Variants in CACNA2D3 observed in about 807,000 individuals in gnomAD.
CACNA2D3 encodes the protein voltage-dependent calcium channel subunit alpha-2/delta-3.
CACNA2D3 carries 60 observed loss-of-function variants against 160.6 expected under a neutral mutation model. The observed-to-expected ratio is 0.37, with a 90% confidence interval of 0.30 to 0.46. CACNA2D3 has a LOEUF of 0.46. CACNA2D3 is among the 20% of genes least tolerant of loss of function. The probability of loss-of-function intolerance (pLI) is 1.00; values close to 1 mark genes in which losing one functional copy is unlikely to be tolerated. For missense variants in CACNA2D3, 1,205 were observed against 1,365.0 expected, an observed-to-expected ratio of 0.88 and a Z score of 1.85; for synonymous variants, 558 against 492.9, an observed-to-expected ratio of 1.13 and a Z score of -1.75.
chr3:54,677,759 C>T (rs1166456063), intron 11 of CACNA2D3, among the ~76,000 whole-genome samples: 1 of 151,756 alleles, frequency 6.6e-6, no homozygotes, highest in Non-Finnish European at 1.5e-5. Context: ...AGTCTCTGAA[C>T]CAAAGAGGAT....
chr3:54,722,718 C>T (rs1256829297), intron 11 of CACNA2D3, among the ~76,000 whole-genome samples: 1 of 152,196 alleles, frequency 6.6e-6, no homozygotes, highest in Non-Finnish European at 1.5e-5. Flanking sequence ...GTATCACTAG[C>T]AGAGGCTGCA....
At chr3:54,287,698 T>C (rs1388628252) in intron 2 of CACNA2D3, among the ~76,000 whole-genome samples, 1 of 145,068 alleles carries the variant, frequency 6.9e-6, no homozygotes, top group Admixed American at 6.9e-5. Context: ...TCAGCAAATG[T>C]AAAAGAACAG....
At chr3:55,059,345 T>A (rs1337657729) in intron 35 of CACNA2D3, among the ~76,000 whole-genome samples, 3 of 152,256 alleles carry the variant, frequency 2.0e-5, no homozygotes, top group Admixed American at 6.5e-5. Flanking sequence ...TACCAGAGAA[T>A]CATTACATTA....
At chr3:54,397,438 T>C (rs1699376575) in intron 4 of CACNA2D3, among the ~76,000 whole-genome samples, 1 of 78,516 alleles carries the variant, frequency 1.3e-5, no homozygotes, top group Non-Finnish European at 2.4e-5. Flanking sequence ...TTTCCTGCTT[T>C]CTCTTGTAGG....
At chr3:54,732,116 C>T (rs193070613) in intron 11 of CACNA2D3, among the ~76,000 whole-genome samples, 279 of 152,244 alleles carry the variant, frequency 1.8e-3, no homozygotes, top group Middle Eastern at 0.01. Flanking sequence ...GTTTAGGCTA[C>T]GTGTTTAAGG....
At chr3:54,283,983 A>G (rs1318007332) in intron 2 of CACNA2D3, among the ~76,000 whole-genome samples, 1 of 152,154 alleles carries the variant, frequency 6.6e-6, no homozygotes, top group African/African-American at 2.4e-5. Flanking sequence ...AATTGCTTGA[A>G]CACAGGAGAA....
intron 4 of CACNA2D3, among the ~76,000 whole-genome samples, chr3:54,425,929 C>G (rs1188844620): frequency 6.6e-6 from 1 of 152,216 alleles, no homozygotes; most frequent in African/African-American, 2.4e-5. Flanking sequence ...TTTGGTAGCC[C>G]AGATTTCATC....
At chr3:54,467,915 A>G (rs1700657949) in intron 4 of CACNA2D3, among the ~76,000 whole-genome samples, 2 of 152,210 alleles carry the variant, frequency 1.3e-5, no homozygotes, top group African/African-American at 4.8e-5. Flanking sequence ...GTTTGAGGTG[A>G]TGGATATGGT....
chr3:54,832,266 G>A (rs749278539), intron 14 of CACNA2D3, among the ~76,000 whole-genome samples: 53 of 152,134 alleles, frequency 3.5e-4, no homozygotes, highest in Middle Eastern at 3.2e-3. Flanking sequence ...AGTGCAGCTC[G>A]CGCAGAGTGT....
intron 2 of CACNA2D3, among the ~76,000 whole-genome samples, chr3:54,136,914 A>G (rs1272745791): frequency 6.6e-6 from 1 of 152,236 alleles, no homozygotes; most frequent in East Asian, 1.9e-4. Context: ...TTTGAGAGAC[A>G]CTGTTTACAT....
At chr3:55,038,909 C>G (rs911726536) in intron 35 of CACNA2D3, among the ~76,000 whole-genome samples, 1 of 108,104 alleles carries the variant, frequency 9.3e-6, no homozygotes, top group African/African-American at 3.6e-5. Flanking sequence ...TATATATATA[C>G]ACACACTGAA....
intron 2 of CACNA2D3, among the ~76,000 whole-genome samples, chr3:54,172,674 C>T (rs1406612844): frequency 6.6e-6 from 1 of 152,178 alleles, no homozygotes; most frequent in African/African-American, 2.4e-5. Context: ...CTTAACAAAA[C>T]TGCCCATTTC....
intron 16 of CACNA2D3, among the ~76,000 whole-genome samples, chr3:54,840,403 C>CTTTTTTTTTTTTTTTTTTTT: frequency 1.4e-5 from 1 of 73,456 alleles, no homozygotes; most frequent in African/African-American, 5.6e-5. Flanking sequence ...AGAACCATGT[C>CTTTTTTTTTTTTTTTTTTTT]TTTTTTTTTT....
intron 9 of CACNA2D3, among the ~76,000 whole-genome samples, chr3:54,618,624 T>C (rs1404850001): frequency 6.6e-6 from 1 of 152,148 alleles, no homozygotes; most frequent in Non-Finnish European, 1.5e-5. Flanking sequence ...TGGGGTCACA[T>C]TTCTTTGCTG....
At chr3:55,013,720 A>G (rs531916030) in intron 34 of CACNA2D3, among the ~76,000 whole-genome samples, 2 of 152,242 alleles carry the variant, frequency 1.3e-5, no homozygotes, top group South Asian at 2.1e-4. Context: ...TCACAAAGGT[A>G]TCATTTTGGT....
At chr3:54,847,335 G>A (rs373843365) in intron 17 of CACNA2D3, among the ~76,000 whole-genome samples, 20 of 73,512 alleles carry the variant, frequency 2.7e-4, no homozygotes, top group South Asian at 2.7e-3. Flanking sequence ...AGTGTAGATC[G>A]TTTTCTTTAG....
At chr3:54,806,279 G>T (rs948939226) in intron 13 of CACNA2D3, among the ~76,000 whole-genome samples, 1 of 152,088 alleles carries the variant, frequency 6.6e-6, no homozygotes, top group Admixed American at 6.5e-5. Context: ...GTTTGCAGAC[G>T]ACATGATTGT....
At chr3:54,912,218 T>C (rs992146419) in intron 27 of CACNA2D3, among the ~76,000 whole-genome samples, 3 of 152,182 alleles carry the variant, frequency 2.0e-5, no homozygotes, top group Non-Finnish European at 4.4e-5. Flanking sequence ...GTGAGCAAGA[T>C]AGAAGCTGGA....
chr3:54,567,441 T>G (rs959541786), intron 6 of CACNA2D3, among the ~76,000 whole-genome samples: 1 of 152,216 alleles, frequency 6.6e-6, no homozygotes, highest in Non-Finnish European at 1.5e-5. Flanking sequence ...GACTTTTTGC[T>G]TTCAAGTAGG....
Sources: gnomAD v4.1 joint callset for allele counts (sites outside exome capture counted in the v4.1 genomes callset) on GRCh38, gnomAD v4.1.1 for gene constraint, MANE v1.5 for transcripts, NCBI Gene and HGNC (gene_info 2026-07-23, HGNC 2026-07-21) for gene names.